TTLL3: variants seen among roughly 807,000 people sequenced by gnomAD.
The protein encoded by TTLL3 is tubulin monoglycylase TTLL3.
Under a neutral mutation model 75.2 loss-of-function variants are expected in TTLL3, and 63 were observed. The ratio of observed to expected loss-of-function variants is 0.84; its 90% CI spans 0.68 to 1.03. The LOEUF is 1.03. TTLL3 is among the 50% of genes least tolerant of loss of function. The pLI, the probability that TTLL3 is intolerant of heterozygous loss-of-function variation, is 0.00. For missense variants in TTLL3, 997 were observed against 1,069.9 expected (o/e 0.93, Z 0.95); for synonymous variants, 393 against 418.5 (o/e 0.94, Z 0.74).
chr3:9,820,981 C>A, intron 8 of TTLL3: 1 of 541,002 alleles, frequency 1.8e-6, no homozygotes, highest in East Asian at 3.0e-5. Flanking sequence ...CAGCACATTA[C>A]CCAAAGTGTG....
At chr3:9,831,649 A>G (rs1182651577) in intron 11 of TTLL3, among the ~76,000 whole-genome samples, 5 of 152,114 alleles carry the variant, frequency 3.3e-5, no homozygotes, top group Admixed American at 6.5e-5. Flanking sequence ...AGTTTTGATT[A>G]TTGCCTATTT....
chr3:9,825,960 C>T lies in TTLL3; in HGVS notation c.1003+12C>T. On this transcript the variant is annotated intron_variant, in intron 9 of 13. Transcript: ENST00000685419. ...GTCCCGCGGACGAGGTGGGGGTCAG[C>T]TCCTGCTTCCTGCACTGGCACCTCA... The T allele has an allele frequency of 6.2e-7, 1 of 1,610,426 alleles. No individual in the cohort carries two copies. Among genetic ancestry groups the T allele is most frequent in the East Asian group, 2.2e-5 (1 of 44,810 alleles).
chr3:9,822,797 C>T lies in TTLL3; in HGVS notation c.854+2056C>T, dbSNP rs563703412. ...CATATATATATATATTTTTTAGAGACGTGGTTTCACCATGTTGGCCAGGCT... is the reference window on the plus strand; with the variant it reads ...CATATATATATATATTTTTTAGAGATGTGGTTTCACCATGTTGGCCAGGCT... On this transcript the variant is annotated intron_variant, in intron 8 of 13. Coordinates refer to ENST00000685419, the MANE Select transcript of TTLL3 (RefSeq NM_001387446.1). 2.9e-3 allele frequency among the ~76,000 whole-genome samples: 422 copies of T among 145,334 alleles called. 1 individual carries two copies. Among genetic ancestry groups the T allele is most frequent in the African/African-American group, 9.9e-3 (396 of 40,134 alleles).
chr3:9,818,880 G>A lies in TTLL3; in HGVS notation c.618G>A (p.Trp206Ter). Residue 206 changes from tryptophan (W) to a stop codon, truncating the protein, a stop_gained, in exon 7 of 14, where the codon TGG becomes TGA. Coordinates refer to ENST00000685419, the MANE Select transcript of TTLL3 (RefSeq NM_001387446.1). LOFTEE classifies it high-confidence loss of function. The part of the protein sequence containing the change: ...NVLKLVVKSE[W>*]KSYPIQAVEE... Reference sequence around the variant, plus strand: ...TCAAGCTGGTGGTGAAGTCTGAGTGGAAGTCATACCCTATTCAGGCAGTAG... The same window carrying A: ...TCAAGCTGGTGGTGAAGTCTGAGTGAAAGTCATACCCTATTCAGGCAGTAG... The A allele has an allele frequency of 6.2e-7, 1 of 1,614,136 alleles. No homozygotes were observed. Among genetic ancestry groups the A allele is most frequent in the Non-Finnish European group, 8.5e-7 (1 of 1,180,014 alleles).
upstream of TTLL3, chr3:9,809,734 G>A: frequency 3.1e-6 from 1 of 324,180 alleles, no homozygotes; most frequent in Non-Finnish European, 5.6e-6. Context: ...GCTCTCTTCC[G>A]CCTTCAGTGC....
intron 5 of TTLL3, among the ~76,000 whole-genome samples, chr3:9,816,857 A>G (rs539364095): frequency 6.6e-6 from 1 of 152,196 alleles, no homozygotes; most frequent in South Asian, 2.1e-4. Flanking sequence ...TCATCTTTCA[A>G]TGAGAATACC....
At chr3:9,826,068 T>C in intron 9 of TTLL3, 120 bp downstream of exon 9, 1 of 1,450,492 alleles carries the variant, frequency 6.9e-7, no homozygotes, top group African/African-American at 1.4e-5. Context: ...GAGTCCTAGC[T>C]CTGCTACTAA....
At chr3:9,834,565 C>T (rs1193704929) in intron 12 of TTLL3, 116 bp from the exon 13 acceptor site, 6 of 1,495,382 alleles carry the variant, frequency 4.0e-6, no homozygotes, top group Admixed American at 1.9e-5. Flanking sequence ...GGGAGGGCTC[C>T]GTCGGCCTTC....
rs201672384 is a variant in TTLL3, at chr3:9,829,021, C to T, written c.1309C>T (p.Pro437Ser). ...CCTGGAGAACTCATGCCATCGGCAT[C>T]CACTGCTTCCGCCAGACAACATGTG... ...KHLENSCHRH[P>S]LLPPDNMWSS... Residue 437 changes from proline to serine, a missense_variant, in exon 11 of 14, where the codon CCA (proline) becomes TCA (serine). Coordinates refer to ENST00000685419, the MANE Select transcript of TTLL3 (RefSeq NM_001387446.1). 20 of 1,614,146 alleles carry T rather than the reference C, an allele frequency of 1.2e-5. No individual in the cohort carries two copies. Among genetic ancestry groups the T allele is most frequent in the Non-Finnish European group, 1.7e-5 (20 of 1,180,060 alleles).
chr3:9,826,953 C>A (rs749119544), intron 9 of TTLL3, 44 bp from the exon 10 acceptor site: 1 of 1,611,910 alleles, frequency 6.2e-7, no homozygotes, highest in Non-Finnish European at 8.5e-7. Flanking sequence ...TTCTCCTGGC[C>A]CACGCCTGAC....
At chr3:9,826,264 G>C (rs2081031070) in intron 9 of TTLL3, among the ~76,000 whole-genome samples, 1 of 152,204 alleles carries the variant, frequency 6.6e-6, no homozygotes, top group Non-Finnish European at 1.5e-5. Context: ...GGCACGTGTA[G>C]GCTTTCACAT....
At chr3:9,829,716 A>G (rs970965052) in intron 11 of TTLL3, among the ~76,000 whole-genome samples, 3 of 152,198 alleles carry the variant, frequency 2.0e-5, no homozygotes, top group Non-Finnish European at 4.4e-5. Context: ...CAGTGACAAC[A>G]AGCTATGTGA....
upstream of TTLL3, chr3:9,810,205 G>T (rs927590402): frequency 6.7e-7 from 1 of 1,484,024 alleles, no homozygotes; most frequent in Admixed American, 2.3e-5. The surrounding 1 kb of genome is among the most constrained non-coding windows in gnomAD (Gnocchi z 4.4). Context: ...GCCATGGGCC[G>T]GCCCTGCCTC....
rs1380522317 is a variant in TTLL3 at position 9,835,499 on chromosome 3, C to A, written c.*10C>A. The A allele has an allele frequency of 1.0e-5, 16 of 1,572,680 alleles. No homozygotes were observed. The highest frequency in any genetic ancestry group is 1.4e-5 in the Non-Finnish European group (16 of 1,161,848). ...CACAGCAAGAGCCTGAGGCCATCAG[C>A]AGCTCCTCCGTGCAGCGAGGCCCAG... On this transcript the variant is annotated 3_prime_UTR_variant, in exon 14 of 14. Coordinates refer to ENST00000685419, the MANE Select transcript of TTLL3 (RefSeq NM_001387446.1).
At chr3:9,826,725 CAAAAA>C (rs36060940) in intron 9 of TTLL3, among the ~76,000 whole-genome samples, 8 of 75,238 alleles carry the variant, frequency 1.1e-4, no homozygotes, top group Non-Finnish European at 1.8e-4. Context: ...AGGGCTGTCT[CAAAAA>C]AAAAAAAAAA....
In TTLL3 at chr3:9,831,187, T is replaced by C. The variant is rs971189966; in HGVS notation, c.1683+1792T>C. On this transcript the variant is annotated intron_variant, in intron 11 of 13. Transcript: ENST00000685419. ...AGGCTTATACCTTGCACTGTTTTTT[T>C]TTGTCTCTTTTCATCTAGGCCAGCC... Among the ~76,000 whole-genome samples the C allele has an allele frequency of 1.6e-3, 240 of 152,336 alleles. 1 individual carries two copies. The highest frequency in any genetic ancestry group is 3.0e-3 in the Non-Finnish European group (207 of 68,030).
In TTLL3 at chr3:9,810,708, A is replaced by AGGTCAGAGGAG; in HGVS notation, c.48+2_48+12dup. The AGGTCAGAGGAG allele has an allele frequency of 3.2e-6, 5 of 1,584,316 alleles. No individual in the cohort carries two copies. The highest frequency in any genetic ancestry group is 4.3e-6 in the Non-Finnish European group (5 of 1,165,520). On this transcript the variant is annotated frameshift_variant and splice_region_variant, in exon 2 of 14. Coordinates refer to ENST00000685419, the MANE Select transcript of TTLL3 (RefSeq NM_001387446.1). LOFTEE classifies it high-confidence loss of function. This position sits in a 1 kb window ranked among gnomAD's most constrained non-coding sequence, Gnocchi z 4.4. ...AAAATCTACGTGGAGAGAGCTGTCA[A>AGGTCAGAGGAG]GGTCAGAGGAGGGGCAGGGGCGCTT...
chr3:9,820,527 G>A lies in TTLL3; in HGVS notation c.659-19G>A, dbSNP rs1017732700. ...CCTGCCTTGATATGGGATCGTGACAGGCCCCTCCCTATGTGCAGGAGACAA... is the reference window on the plus strand; with the variant it reads ...CCTGCCTTGATATGGGATCGTGACAAGCCCCTCCCTATGTGCAGGAGACAA... On this transcript the variant is annotated intron_variant, in intron 7 of 13. Transcript: ENST00000685419. 1.9e-6 allele frequency: 3 copies of A among 1,613,352 alleles called. No homozygotes were observed. Among genetic ancestry groups the A allele is most frequent in the Non-Finnish European group, 2.5e-6 (3 of 1,179,484 alleles).
Position 9,827,150 on chromosome 3 carries a change from T to C in TTLL3, c.1157T>C (p.Val386Ala). ...TTTGACCTCAGACAGTGGTTCCTGG[T>C]AACTGACTGGAACCCACTTACCGTG... ...TKFDLRQWFLVTDWNPLTVWF... is the reference protein window; with the variant it reads ...TKFDLRQWFLATDWNPLTVWF... The change falls in exon 10 of 14, where the codon GTA becomes GCA. Residue 386 changes from valine (V) to alanine (A), a missense_variant. Val to Ala is a moderately conservative substitution (Grantham distance 64, BLOSUM62 0). Coordinates refer to ENST00000685419, the MANE Select transcript of TTLL3 (RefSeq NM_001387446.1). 1 of 1,614,228 alleles carries C rather than the reference T, an allele frequency of 6.2e-7. No homozygotes were observed. The highest frequency in any genetic ancestry group is 8.5e-7 in the Non-Finnish European group (1 of 1,180,032).
Sources: allele counts gnomAD v4.1 joint callset (sites outside exome capture counted in the v4.1 genomes callset), GRCh38; gene constraint gnomAD v4.1.1; non-coding constraint Gnocchi (gnomAD v3.1); transcripts MANE v1.5; gene names NCBI Gene and HGNC (gene_info 2026-07-23, HGNC 2026-07-21).